The following FAP variants were observed in gnomAD, a reference collection of about 807,000 sequenced individuals.
FAP encodes the protein prolyl endopeptidase FAP.
A neutral mutation model predicts 126.5 loss-of-function variants in FAP; 110 were observed. The ratio of observed to expected loss-of-function variants is 0.87; its 90% CI spans 0.74 to 1.02. The LOEUF is 1.02. Ranked by LOEUF, FAP falls within the 50% of genes least tolerant of loss-of-function variation. FAP has a pLI of 0.00. For missense variants in FAP, 919 were observed against 909.2 expected (o/e 1.01, Z -0.14); for synonymous variants, 334 against 297.3 (o/e 1.12, Z -1.27).
Position 162,243,372 on chromosome 2 carries a change from G to C in FAP, c.-45C>G. On this transcript the variant is annotated 5_prime_UTR_variant, in exon 1 of 26. Coordinates refer to ENST00000188790, the MANE Select transcript of FAP (RefSeq NM_004460.5). ...AGTTAGCTAATTCTGTCTTCAGAGC[G>C]TGGGTCACTGGATCTGTGAAAACCG... 1 of 1,604,428 alleles carries C rather than the reference G, an allele frequency of 6.2e-7. No individual in the cohort carries two copies. Among genetic ancestry groups the C allele is most frequent in the Non-Finnish European group, 8.5e-7 (1 of 1,176,126 alleles).
intron 11 of FAP, 81 bp downstream of exon 11, chr2:162,213,857 T>C: frequency 1.4e-6 from 2 of 1,411,020 alleles, no homozygotes; most frequent in Non-Finnish European, 1.9e-6. Flanking sequence ...CTTTACAACA[T>C]AAAATGTTAG....
In FAP at chr2:162,219,520, A is replaced by G. The variant is rs552134803; in HGVS notation, c.486+333T>C. 2.0e-4 allele frequency among the ~76,000 whole-genome samples: 31 copies of G among 152,276 alleles called. 1 individual carries two copies. The highest frequency in any genetic ancestry group is 7.5e-4 in the African/African-American group (31 of 41,566). On this transcript the variant is annotated intron_variant, in intron 7 of 25. Transcript: ENST00000188790. The stretch of plus-strand genomic sequence containing the variant: ...TAATCTTTATTTAGAGTCCTTAAAT[A>G]AGAGCTTGGACCAAATTTCATGTTG...
chr2:162,227,949 G>T (rs1229441892), intron 2 of FAP, among the ~76,000 whole-genome samples: 1 of 152,106 alleles, frequency 6.6e-6, no homozygotes, highest in Non-Finnish European at 1.5e-5. Flanking sequence ...CGTAGAGCAT[G>T]TTCCTTGCTT....
chr2:162,221,592 C>T (rs1239885974), intron 6 of FAP: 1 of 445,184 alleles, frequency 2.2e-6, no homozygotes. Flanking sequence ...GCTCATGTTA[C>T]CTTTCATACT....
chr2:162,196,154 G>T (rs967379765), intron 16 of FAP, among the ~76,000 whole-genome samples: 4 of 152,052 alleles, frequency 2.6e-5, no homozygotes, highest in African/African-American at 7.3e-5. Context: ...ATGCAATATT[G>T]GGAAACCACA....
In FAP at chr2:162,201,336, A is replaced by G. The variant is rs35495332; in HGVS notation, c.1224-717T>C. On this transcript the variant is annotated intron_variant, in intron 14 of 25. Coordinates refer to ENST00000188790, the MANE Select transcript of FAP (RefSeq NM_004460.5). Reference sequence around the variant, plus strand: ...GTCCAGTTCTCACTATGTCCCAGGTATCATGAAAATCTTATTAGCACCAAG... The same window carrying G: ...GTCCAGTTCTCACTATGTCCCAGGTGTCATGAAAATCTTATTAGCACCAAG... Among the ~76,000 whole-genome samples, 1,440 of 152,278 alleles carry G rather than the reference A, an allele frequency of 9.5e-3. 13 individuals are homozygous for G. The highest frequency in any genetic ancestry group is 0.017 in the Middle Eastern group (5 of 294).
chr2:162,208,337 A>C (rs1688791064), intron 12 of FAP, among the ~76,000 whole-genome samples: 1 of 152,108 alleles, frequency 6.6e-6, no homozygotes, highest in Non-Finnish European at 1.5e-5. Context: ...AGTTTAGTGC[A>C]ATACAGATTT....
In FAP at chr2:162,189,711, C is replaced by T. The variant is rs1576146651; in HGVS notation, c.1494G>A (p.Leu498=). 1.9e-6 allele frequency: 3 copies of T among 1,592,744 alleles called. No homozygotes were observed. In the East Asian group the frequency reaches 6.8e-5, roughly 36 times the overall value. The change falls in exon 18 of 26, where the codon TTG becomes TTA. Residue 498 remains leucine, a synonymous_variant. Coordinates refer to ENST00000188790, the MANE Select transcript of FAP (RefSeq NM_004460.5). ...LEENKELENA[L]KNIQLPKEEI... ...CCTCTTTAGGCAGCTGGATATTTTT[C>T]AAAGCATTTTCCAATTCCTTGTTTT...
rs1329056772 is a variant in FAP, at chr2:162,171,169, T to A, written c.2182-89A>T. 4 of 876,272 alleles carry A rather than the reference T, an allele frequency of 4.6e-6. No homozygotes were observed. The East Asian group carries it at 9.8e-5, about 21-fold the overall frequency. 54.3% of individuals were successfully genotyped at this position (876,272 alleles called of 1,614,324 possible). ...TTTTTGTGCTCTCAGGACCTGATAA[T>A]CTTTCTATTATGGGGAAACTGTACC... On this transcript the variant is annotated intron_variant, in intron 25 of 25. Transcript: ENST00000188790.
Position 162,239,927 on chromosome 2 carries a change from C to T in FAP, c.91+2981G>A, listed in dbSNP as rs113004748. ...CTGCAACCTCTGTAACTTTTCACTT[C>T]TAGTTTTTTGCTTTTGTAACCTCTG... On this transcript the variant is annotated intron_variant, in intron 2 of 25. Transcript: ENST00000188790. 5.9e-5 allele frequency among the ~76,000 whole-genome samples: 9 copies of T among 152,274 alleles called. 1 individual carries two copies. The highest frequency in any genetic ancestry group is 2.2e-4 in the African/African-American group (9 of 41,552).
In FAP at chr2:162,172,832, T is replaced by C. The variant is rs201318265; in HGVS notation, c.2160A>G (p.Ala720=). 6 of 1,612,684 alleles carry C rather than the reference T, an allele frequency of 3.7e-6. No homozygotes were observed. In the East Asian group the frequency reaches 1.3e-4, roughly 36 times the overall value. The change falls in exon 25 of 26, where the codon GCA becomes GCG. Residue 720 remains alanine, a synonymous_variant. Transcript: ENST00000188790. ...SAQIAKALVN[A]QVDFQAMWYS... The stretch of plus-strand genomic sequence containing the variant: ...GTACCATTGCCTGGAAATCCACTTG[T>C]GCATTAACCAGAGCTTTAGCAATCT...
intron 9 of FAP, among the ~76,000 whole-genome samples, 158 bp downstream of exon 9, chr2:162,217,828 A>G (rs1233632152): frequency 6.6e-6 from 1 of 152,220 alleles, no homozygotes; most frequent in Non-Finnish European, 1.5e-5. Context: ...AAAGCAACAG[A>G]TGTCCACATA....
intron 2 of FAP, among the ~76,000 whole-genome samples, chr2:162,229,498 G>C (rs371812208): frequency 1.3e-5 from 2 of 152,132 alleles, no homozygotes; most frequent in African/African-American, 4.8e-5. Flanking sequence ...AGTTATACTT[G>C]AACATTTTGT....
At chr2:162,197,449 TAATGTATACCTTTA>T (rs1447270428) in intron 16 of FAP, 10 of 415,044 alleles carry the variant, frequency 2.4e-5, no homozygotes, top group Non-Finnish European at 4.4e-5. Flanking sequence ...GAGGGACATT[TAATGTATACCTTTA>T]AATGCCAGTA....
chr2:162,227,386 A>T (rs149775623), intron 2 of FAP, among the ~76,000 whole-genome samples: 1 of 152,172 alleles, frequency 6.6e-6, no homozygotes, highest in East Asian at 1.9e-4. Context: ...TTTTTCAAAC[A>T]TGATCTTATT....
rs189580168 is a variant in FAP at position 162,173,751 on chromosome 2, G to T, written c.2006C>A (p.Thr669Lys). Residue 669 changes from threonine (T) to lysine (K), a missense_variant, in exon 23 of 26, where the codon ACA (threonine) becomes AAA (lysine). Thr to Lys is a moderately conservative substitution (Grantham distance 78, BLOSUM62 -1). Transcript: ENST00000188790. The part of the protein sequence containing the change: ...VYTERFMGLP[T>K]KDDNLEHYKN... ...ATAGTGCTCAAGATTATCATCCTTT[G>T]TTGGGAGACCCATGAATCTCTCTGT... The T allele has an allele frequency of 1.2e-6, 2 of 1,605,284 alleles. No homozygotes were observed. The highest frequency in any genetic ancestry group is 1.7e-5 in the Admixed American group (1 of 59,962).
intron 2 of FAP, among the ~76,000 whole-genome samples, chr2:162,231,433 C>CAG (rs1464482091): frequency 2.0e-5 from 3 of 152,092 alleles, no homozygotes; most frequent in Non-Finnish European, 4.4e-5. Context: ...AATGGTTGAA[C>CAG]AGAAGTAAAC....
At chr2:162,223,372 CA>C (rs1398182363) in intron 6 of FAP, among the ~76,000 whole-genome samples, 29 of 151,886 alleles carry the variant, frequency 1.9e-4, no homozygotes, top group Admixed American at 1.7e-3. Flanking sequence ...ACAGAAAATC[CA>C]AAACTATATT....
chr2:162,178,575 C>T (rs1329208138), intron 21 of FAP, among the ~76,000 whole-genome samples: 1 of 152,198 alleles, frequency 6.6e-6, no homozygotes, highest in Non-Finnish European at 1.5e-5. Context: ...ACTTCTTAGG[C>T]ACTGTGGTGG....
Sources: gnomAD v4.1 joint callset for allele counts (sites outside exome capture counted in the v4.1 genomes callset) on GRCh38, gnomAD v4.1.1 for gene constraint, MANE v1.5 for transcripts, NCBI Gene and HGNC (gene_info 2026-07-23, HGNC 2026-07-21) for gene names.